KCNIP4: variants seen among roughly 807,000 people sequenced by gnomAD.
KCNIP4 encodes the protein Kv channel-interacting protein 4.
Under a neutral mutation model 34.0 loss-of-function variants are expected in KCNIP4, and 12 were observed. The observed-to-expected ratio is 0.35, with a 90% CI of 0.23 to 0.57. The LOEUF is 0.57. Ranked by LOEUF, KCNIP4 falls within the 20% of genes least tolerant of loss-of-function variation. The pLI is 0.83. For missense variants in KCNIP4, 238 were observed against 311.7 expected (o/e 0.76, Z 1.78); for synonymous variants, 124 against 102.2 (o/e 1.21, Z -1.29).
chr4:21,520,141 G>C (rs1735401627), intron 1 of KCNIP4, among the ~76,000 whole-genome samples: 2 of 151,942 alleles, frequency 1.3e-5, no homozygotes, highest in African/African-American at 2.4e-5. Context: ...ATTAGATGGT[G>C]CCCACCCAGA....
intron 1 of KCNIP4, chr4:21,609,029 C>T (rs953271626): frequency 6.6e-6 from 1 of 152,122 alleles, no homozygotes; most frequent in Non-Finnish European, 1.5e-5. Flanking sequence ...TTAAGAGATA[C>T]TGAAAATACT....
intron 3 of KCNIP4, among the ~76,000 whole-genome samples, chr4:20,789,035 A>C (rs73802327): frequency 0.022 from 3,309 of 152,198 alleles, 92 homozygotes; most frequent in African/African-American, 0.065. Context: ...GAAATCAATC[A>C]AACAAAAAAA....
chr4:21,590,671 G>T (rs429978), intron 1 of KCNIP4, among the ~76,000 whole-genome samples: 23,108 of 151,808 alleles, frequency 0.15, 2,041 homozygotes, highest in South Asian at 0.21. Flanking sequence ...TTAATTGTAT[G>T]GTGTATCATA....
At chr4:20,996,232 C>G (rs1221890937) in intron 1 of KCNIP4, among the ~76,000 whole-genome samples, 1 of 152,202 alleles carries the variant, frequency 6.6e-6, no homozygotes, top group Non-Finnish European at 1.5e-5. Context: ...TCAGCAAACT[C>G]CTGTCTAATT....
At chr4:21,661,921 T>C (rs938239982) in intron 1 of KCNIP4, among the ~76,000 whole-genome samples, 1 of 152,124 alleles carries the variant, frequency 6.6e-6, no homozygotes, top group African/African-American at 2.4e-5. Flanking sequence ...TTAGCTTAGA[T>C]CGGAACTATA....
intron 1 of KCNIP4, among the ~76,000 whole-genome samples, chr4:21,190,113 C>A (rs1268650922): frequency 5.9e-5 from 9 of 152,182 alleles, no homozygotes; most frequent in Admixed American, 4.6e-4. Flanking sequence ...CTCCTGAATA[C>A]TAATTTTGCA....
intron 1 of KCNIP4, among the ~76,000 whole-genome samples, chr4:20,988,983 C>T (rs1736841410): frequency 6.6e-6 from 1 of 152,138 alleles, no homozygotes; most frequent in South Asian, 2.1e-4. Context: ...CATTAGTTTC[C>T]CCTGTATATT....
chr4:20,914,734 T>C (rs1728643346), intron 1 of KCNIP4, among the ~76,000 whole-genome samples: 1 of 152,176 alleles, frequency 6.6e-6, no homozygotes, highest in Non-Finnish European at 1.5e-5. Flanking sequence ...AACTCAACTA[T>C]AGTCTGGTAA....
rs557804436 is a variant in KCNIP4 at position 20,978,711 on chromosome 4, T to G, written c.62-96002A>C. On this transcript the variant is annotated intron_variant, in intron 1 of 8. Transcript: ENST00000382152. ...CTCTGATTGCTTTCATCTCCTCTAC[T>G]TGGACTTAATTACCTAACATTCTTC... 3.9e-5 allele frequency among the ~76,000 whole-genome samples: 6 copies of G among 152,194 alleles called. No individual in the cohort carries two copies. In the South Asian group the frequency reaches 6.2e-4, roughly 16 times the overall value.
intron 1 of KCNIP4, chr4:21,846,227 T>C (rs1724004816): frequency 6.6e-6 from 1 of 152,158 alleles, no homozygotes; most frequent in South Asian, 2.1e-4. Flanking sequence ...CCAACATTAA[T>C]GTTCTAATTT....
intron 1 of KCNIP4, among the ~76,000 whole-genome samples, chr4:21,028,688 G>A (rs1173247430): frequency 1.3e-5 from 2 of 152,160 alleles, no homozygotes; most frequent in South Asian, 2.1e-4. Flanking sequence ...CCAGTGATAG[G>A]AAAATCCATA....
chr4:21,654,726 A>T (rs1002488205), intron 1 of KCNIP4, among the ~76,000 whole-genome samples: 2 of 152,222 alleles, frequency 1.3e-5, no homozygotes, highest in South Asian at 4.1e-4. Context: ...GATCGAGACC[A>T]TCCTGGCTAA....
intron 1 of KCNIP4, among the ~76,000 whole-genome samples, chr4:21,635,426 T>C (rs902772375): frequency 4.6e-5 from 7 of 152,130 alleles, no homozygotes; most frequent in African/African-American, 1.7e-4. Flanking sequence ...ATGCTGTTGG[T>C]TAATTGGGTT....
chr4:21,898,168 C>T (rs969903695), intron 1 of KCNIP4, among the ~76,000 whole-genome samples: 5 of 152,038 alleles, frequency 3.3e-5, no homozygotes, highest in African/African-American at 1.2e-4. Flanking sequence ...GCTAAAGTGC[C>T]CTGGGGTCCT....
At position 21,875,521 on chromosome 4, in the gene KCNIP4, A is replaced by C. The variant is rs150819289; in HGVS notation, c.61+73050T>G. Reference sequence around the variant, plus strand: ...TCCATATCTGTGAGTTGTATTAGGCATTTCTATACCAGTAGAAGTGATTTT... The same window carrying C: ...TCCATATCTGTGAGTTGTATTAGGCCTTTCTATACCAGTAGAAGTGATTTT... On this transcript the variant is annotated intron_variant, in intron 1 of 8. Transcript: ENST00000382152. Among the ~76,000 whole-genome samples the C allele has an allele frequency of 2.2e-3, 340 of 152,310 alleles. 1 individual carries two copies. The highest frequency in any genetic ancestry group is 7.8e-3 in the African/African-American group (325 of 41,576).
At chr4:21,114,869 C>T (rs1333874243) in intron 1 of KCNIP4, among the ~76,000 whole-genome samples, 1 of 152,168 alleles carries the variant, frequency 6.6e-6, no homozygotes, top group East Asian at 1.9e-4. Flanking sequence ...AGCTGTTGAA[C>T]TTGGCAGCAG....
chr4:20,886,879 A>G (rs1263573461), intron 1 of KCNIP4, among the ~76,000 whole-genome samples: 2 of 152,178 alleles, frequency 1.3e-5, no homozygotes, highest in Non-Finnish European at 2.9e-5. Flanking sequence ...GTATCCTAAT[A>G]ACATCTTTTG....
intron 3 of KCNIP4, among the ~76,000 whole-genome samples, chr4:20,762,865 C>T (rs1036687596): frequency 6.6e-6 from 1 of 152,164 alleles, no homozygotes; most frequent in Non-Finnish European, 1.5e-5. Context: ...TTAATTGACT[C>T]ACAGGTCAGC....
chr4:21,172,322 G>C (rs1754075056), intron 1 of KCNIP4, among the ~76,000 whole-genome samples: 1 of 152,130 alleles, frequency 6.6e-6, no homozygotes, highest in East Asian at 1.9e-4. Flanking sequence ...ATGAGCCACT[G>C]TGCCCAGCCT....
Sources: allele counts gnomAD v4.1 joint callset (sites outside exome capture counted in the v4.1 genomes callset), GRCh38; gene constraint gnomAD v4.1.1; transcripts MANE v1.5; gene names NCBI Gene and HGNC (gene_info 2026-07-23, HGNC 2026-07-21).